The following ECPAS variants were observed in gnomAD, a reference collection of about 807,000 sequenced individuals.
The protein encoded by ECPAS is Ecm29 proteasome adaptor and scaffold, also known as proteasome adapter and scaffold protein ECM29.
In ECPAS, 70 loss-of-function variants were observed where a neutral mutation model predicts 255.1. The observed-to-expected ratio is 0.27, with a 90% CI of 0.23 to 0.33. The LOEUF is 0.33. Ranked by LOEUF, ECPAS falls within the 10% of genes least tolerant of loss-of-function variation. The pLI, the probability that ECPAS is intolerant of heterozygous loss-of-function variation, is 1.00. For synonymous variants in ECPAS, 784 were observed against 775.0 expected (o/e 1.01, Z -0.19); for missense variants, 1,817 against 2,206.4 (o/e 0.82, Z 3.54).
chr9:111,463,460 C>T lies in ECPAS; in HGVS notation c.22+9437G>A, dbSNP rs887365324. On this transcript the variant is annotated intron_variant, in intron 2 of 49. Transcript: ENST00000684092. ...CAGAAAACAGAGTGCTTTGTGAAAG[C>T]TGAAAAAAATTATAAAATTCCTTTG... 1.7e-4 allele frequency among the ~76,000 whole-genome samples: 26 copies of T among 152,066 alleles called. 1 individual carries two copies. The highest frequency in any genetic ancestry group is 1.7e-3 in the Admixed American group (26 of 15,256).
At chr9:111,386,138 A>G (rs1016361648) in intron 32 of ECPAS, among the ~76,000 whole-genome samples, 3 of 152,050 alleles carry the variant, frequency 2.0e-5, no homozygotes, top group Non-Finnish European at 4.4e-5. Context: ...TGATTTTTGT[A>G]TTTTTAGTAG....
At position 111,405,655 on chromosome 9, in the gene ECPAS, G is replaced by C. The variant is rs1247750601; in HGVS notation, c.2652+2916C>G. Among the ~76,000 whole-genome samples the C allele has an allele frequency of 4.0e-5, 6 of 149,804 alleles. 1 individual carries two copies. The East Asian group carries it at 1.0e-3, about 25-fold the overall frequency. On this transcript the variant is annotated intron_variant, in intron 24 of 49. Transcript: ENST00000684092. ...TCTGCAAATTATCCATCTGACAAGA[G>C]ATTAAAATACACAATAAGTAAGGAA... is the stretch of plus-strand genomic sequence containing the variant.
At position 111,376,523 on chromosome 9, in the gene ECPAS, G is replaced by A. The variant is rs765885726; in HGVS notation, c.3973C>T (p.Arg1325Trp). The A allele has an allele frequency of 9.4e-6, 15 of 1,599,750 alleles. No individual in the cohort carries two copies. Among genetic ancestry groups the A allele is most frequent in the South Asian group, 3.4e-5 (3 of 87,978 alleles). ...GGAGAAGATTTGGCAGCACTAAGCC[G>A]AGCACTATCCATCGCAGCCTAAAGA... ...EQEKAAMDSA[R>W]LSAAKSSPMM... The change falls in exon 37 of 50, where the codon CGG (arginine) becomes TGG (tryptophan). Residue 1325 changes from arginine (R) to tryptophan (W), a missense_variant. This residue lies in a region of ECPAS where 960 missense variants were observed against 1,179.0 expected (regional missense o/e 0.81). Coordinates refer to ENST00000684092, the MANE Select transcript of ECPAS (RefSeq NM_001364929.1).
intron 1 of ECPAS, among the ~76,000 whole-genome samples, chr9:111,482,562 T>A (rs1235303509): frequency 6.6e-6 from 1 of 151,704 alleles, no homozygotes; most frequent in Admixed American, 6.6e-5. Context: ...TTGCAACACC[T>A]CACCCATGCT....
intron 48 of ECPAS, 95 bp from the exon 49 acceptor site, chr9:111,363,754 T>C: frequency 1.5e-6 from 1 of 684,576 alleles, no homozygotes; most frequent in Non-Finnish European, 2.5e-6. Flanking sequence ...GTCCAGAAAT[T>C]ACAACTCTAG....
chr9:111,477,093 C>A (rs955349867), intron 1 of ECPAS, among the ~76,000 whole-genome samples: 2 of 151,630 alleles, frequency 1.3e-5, no homozygotes, highest in Non-Finnish European at 2.9e-5. Context: ...TGAGCCACCG[C>A]GCCTGGTCCT....
chr9:111,462,965 C>T (rs2098274988), intron 2 of ECPAS, among the ~76,000 whole-genome samples: 1 of 152,130 alleles, frequency 6.6e-6, no homozygotes, highest in African/African-American at 2.4e-5. Context: ...TGGTCTCAAA[C>T]TCCTGACCTC....
At chr9:111,459,147 G>A (rs1564559915) in intron 2 of ECPAS, among the ~76,000 whole-genome samples, 1 of 152,016 alleles carries the variant, frequency 6.6e-6, no homozygotes, top group Non-Finnish European at 1.5e-5. Flanking sequence ...TTTTCCATAT[G>A]TTATATAAAT....
intron 5 of ECPAS, 90 bp downstream of exon 5, chr9:111,442,216 G>C (rs1037177269): frequency 1.2e-6 from 1 of 814,744 alleles, no homozygotes; most frequent in Non-Finnish European, 2.0e-6. Context: ...CCTCCCATTT[G>C]CTCAAGTAAA....
At chr9:111,463,603 TATTAAG>T (rs2098275796) in intron 2 of ECPAS, among the ~76,000 whole-genome samples, 1 of 152,182 alleles carries the variant, frequency 6.6e-6, no homozygotes, top group Non-Finnish European at 1.5e-5. Flanking sequence ...CTATGACAAT[TATTAAG>T]ATTGAGTGTG....
At chr9:111,393,802 T>G in intron 26 of ECPAS, 68 bp from the exon 27 acceptor site, 1 of 1,112,814 alleles carries the variant, frequency 9.0e-7, no homozygotes, top group Non-Finnish European at 1.3e-6. Context: ...AGTCTTGCTC[T>G]CACCGTGTAC....
intron 8 of ECPAS, among the ~76,000 whole-genome samples, chr9:111,433,012 C>A (rs1456432655): frequency 1.3e-5 from 2 of 148,540 alleles, no homozygotes; most frequent in Non-Finnish European, 3.0e-5. Flanking sequence ...GATGACATTC[C>A]TAACCTATTG....
At chr9:111,425,714 C>G (rs371664904) in intron 11 of ECPAS, 29 bp downstream of exon 11, 212 of 1,327,938 alleles carry the variant, frequency 1.6e-4, no homozygotes, top group Non-Finnish European at 2.2e-4. Flanking sequence ...AGCTTGAAAA[C>G]TTTATAGTTA....
intron 2 of ECPAS, among the ~76,000 whole-genome samples, chr9:111,462,623 C>T (rs572054918): frequency 5.9e-5 from 9 of 151,504 alleles, no homozygotes; most frequent in African/African-American, 1.7e-4. Context: ...AATAAAACTA[C>T]AAGTTATCTG....
Position 111,376,482 on chromosome 9 carries a change from G to T in ECPAS, c.4014C>A (p.Ile1338=), listed in dbSNP as rs1399640243. ...TATTATTTAAGACACTCACCATGTTGATTGTTTCCATCATTGGAGAAGATT... is the reference window on the plus strand; with the variant it reads ...TATTATTTAAGACACTCACCATGTTTATTGTTTCCATCATTGGAGAAGATT... ...AAKSSPMMET[I]NMCLQYLDVS... Residue 1338 remains isoleucine, a synonymous_variant, in exon 37 of 50, where the codon ATC becomes ATA. Coordinates refer to ENST00000684092, the MANE Select transcript of ECPAS (RefSeq NM_001364929.1). The T allele has an allele frequency of 6.3e-7, 1 of 1,593,502 alleles. No homozygotes were observed. The highest frequency in any genetic ancestry group is 1.7e-5 in the Admixed American group (1 of 57,412).
At chr9:111,380,105 C>G (rs532250733) in intron 35 of ECPAS, among the ~76,000 whole-genome samples, 1 of 152,340 alleles carries the variant, frequency 6.6e-6, no homozygotes, top group Admixed American at 6.5e-5. Context: ...CTATCAATGG[C>G]AGCTCTAGCC....
Position 111,438,348 on chromosome 9 carries a change from G to A in ECPAS, c.540-1240C>T, listed in dbSNP as rs892671475. On this transcript the variant is annotated intron_variant, in intron 6 of 49. Coordinates refer to ENST00000684092, the MANE Select transcript of ECPAS (RefSeq NM_001364929.1). ...ATACTGCATAAAACACCCTAAGGCT[G>A]GGTGTGGTGGCTCAGGCCTATAATC... is the stretch of plus-strand genomic sequence containing the variant. 7.9e-5 allele frequency among the ~76,000 whole-genome samples: 12 copies of A among 152,332 alleles called. No homozygotes were observed. In the South Asian group the frequency reaches 1.9e-3, roughly 24 times the overall value.
intron 4 of ECPAS, among the ~76,000 whole-genome samples, chr9:111,443,944 T>C (rs1589209462): frequency 6.6e-6 from 1 of 152,352 alleles, no homozygotes; most frequent in Middle Eastern, 3.4e-3. Flanking sequence ...AATATACACA[T>C]CAAAAACACA....
intron 49 of ECPAS, 29 bp from the exon 50 acceptor site, chr9:111,362,198 A>AAAAAAC (rs753851502): frequency 6.6e-7 from 1 of 1,519,444 alleles, no homozygotes; most frequent in South Asian, 1.2e-5. Context: ...ACAAAAACAA[A>AAAAAAC]AAAAACAAAA....
Sources: gnomAD v4.1 joint callset for allele counts (sites outside exome capture counted in the v4.1 genomes callset) on GRCh38, gnomAD v4.1.1 for gene constraint, gnomAD v4.1.1 regional missense constraint, MANE v1.5 for transcripts, NCBI Gene and HGNC (gene_info 2026-07-23, HGNC 2026-07-21) for gene names.